CENPW: variants seen among roughly 807,000 people sequenced by gnomAD.
The protein encoded by CENPW is centromere protein W, also known as cancer-up-regulated gene 2 protein.
CENPW carries 3 observed loss-of-function variants against 11.1 expected under a neutral mutation model. The observed-to-expected ratio is 0.27, with a 90% CI of 0.12 to 0.70. The LOEUF (loss-of-function observed/expected upper bound fraction) is 0.70. CENPW is among the 30% of genes least tolerant of loss of function. The probability of loss-of-function intolerance (pLI) is 0.77; values close to 1 mark genes in which losing one functional copy is unlikely to be tolerated. For missense variants in CENPW, 100 were observed against 105.6 expected (o/e 0.95, Z 0.23); for synonymous variants, 38 against 42.0 (o/e 0.91, Z 0.37).
At chr6:126,468,466 A>G in the CENPW span, among the ~76,000 whole-genome samples, 1 of 150,806 alleles carries the variant, frequency 6.6e-6, no homozygotes, top group African/African-American at 2.4e-5. Flanking sequence ...TGTGGCAACT[A>G]AATATGCAGT....
chr6:126,415,765 A>G, the CENPW span, among the ~76,000 whole-genome samples: 1 of 152,176 alleles, frequency 6.6e-6, no homozygotes, highest in South Asian at 2.1e-4. Flanking sequence ...CATGTGAGAC[A>G]TGCCTTTCAC....
At chr6:126,375,427 TAGAGGAGCA>T in the CENPW span, among the ~76,000 whole-genome samples, 1 of 152,152 alleles carries the variant, frequency 6.6e-6, no homozygotes, top group Admixed American at 6.6e-5. Flanking sequence ...GAAAAAACTA[TAGAGGAGCA>T]GGGGTCAGAA....
At chr6:126,403,425 A>G in the CENPW span, among the ~76,000 whole-genome samples, 22 of 152,234 alleles carry the variant, frequency 1.4e-4, no homozygotes, top group African/African-American at 4.3e-4. Flanking sequence ...TAAAAAGTGC[A>G]AGGAAGCAAA....
chr6:126,446,950 C>T, the CENPW span, among the ~76,000 whole-genome samples: 2 of 151,026 alleles, frequency 1.3e-5, no homozygotes, highest in Non-Finnish European at 3.0e-5. Context: ...ATCAGAATAT[C>T]CAAGTTTGAT....
the CENPW span, among the ~76,000 whole-genome samples, chr6:126,357,781 G>A: frequency 3.5e-4 from 53 of 152,056 alleles, 1 homozygote; most frequent in African/African-American, 1.1e-3. Flanking sequence ...GCTGATTTTA[G>A]TATTTTTAGT....
the CENPW span, among the ~76,000 whole-genome samples, chr6:126,457,371 C>G: frequency 6.6e-6 from 1 of 151,518 alleles, no homozygotes; most frequent in African/African-American, 2.4e-5. Flanking sequence ...CCATAGAATA[C>G]TATGCAGCCT....
the CENPW span, among the ~76,000 whole-genome samples, chr6:126,428,120 A>G: frequency 6.6e-6 from 1 of 152,258 alleles, no homozygotes; most frequent in East Asian, 1.9e-4. Context: ...CAAAACTATT[A>G]TTTGTATATC....
At chr6:126,427,281 G>T in the CENPW span, among the ~76,000 whole-genome samples, 1 of 152,140 alleles carries the variant, frequency 6.6e-6, no homozygotes. Flanking sequence ...GTATAGGTAA[G>T]TAAAAATAGG....
At chr6:126,444,302 G>C in the CENPW span, among the ~76,000 whole-genome samples, 13 of 150,246 alleles carry the variant, frequency 8.7e-5, no homozygotes, top group African/African-American at 3.2e-4. Context: ...TGTCTTCTTT[G>C]GAGACTTCTA....
downstream of CENPW, among the ~76,000 whole-genome samples, chr6:126,349,396 CA>C: frequency 6.6e-6 from 1 of 151,970 alleles, no homozygotes; most frequent in East Asian, 1.9e-4. Flanking sequence ...GTTTCATTAC[CA>C]AAAAAGTCTC....
the CENPW span, among the ~76,000 whole-genome samples, chr6:126,450,554 C>T: frequency 1.3e-5 from 2 of 150,832 alleles, no homozygotes; most frequent in Admixed American, 6.6e-5. Flanking sequence ...CAGAAAAAAG[C>T]TTTTTGACTT....
At chr6:126,418,564 T>C in the CENPW span, among the ~76,000 whole-genome samples, 1 of 152,154 alleles carries the variant, frequency 6.6e-6, no homozygotes, top group African/African-American at 2.4e-5. Context: ...TTATGGTGGA[T>C]ACATGTCATT....
At chr6:126,412,707 GTCCCACACATT>G in the CENPW span, among the ~76,000 whole-genome samples, 1 of 152,178 alleles carries the variant, frequency 6.6e-6, no homozygotes, top group South Asian at 2.1e-4. Flanking sequence ...CCTACATTAT[GTCCCACACATT>G]TCCCACACAT....
chr6:126,388,097 A>G, the CENPW span, among the ~76,000 whole-genome samples: 1 of 152,024 alleles, frequency 6.6e-6, no homozygotes, highest in Non-Finnish European at 1.5e-5. Flanking sequence ...AGTGTAATTC[A>G]CCAAGGAAAG....
chr6:126,437,025 T>C, the CENPW span, among the ~76,000 whole-genome samples: 1 of 151,832 alleles, frequency 6.6e-6, no homozygotes, highest in African/African-American at 2.4e-5. Context: ...AAGCTTTTTT[T>C]TTTTCATTCA....
chr6:126,414,669 A>C, the CENPW span, among the ~76,000 whole-genome samples: 1 of 152,056 alleles, frequency 6.6e-6, no homozygotes, highest in Admixed American at 6.5e-5. Flanking sequence ...CCTACACCAA[A>C]AAAGTAAAAA....
the CENPW span, among the ~76,000 whole-genome samples, chr6:126,422,237 A>G: frequency 7.2e-3 from 1,095 of 152,240 alleles, 13 homozygotes; most frequent in African/African-American, 0.025. Flanking sequence ...TAATTTTTCT[A>G]TGTTAACTCC....
chr6:126,464,181 T>C, the CENPW span, among the ~76,000 whole-genome samples: 1 of 152,078 alleles, frequency 6.6e-6, no homozygotes, highest in East Asian at 1.9e-4. Flanking sequence ...AAACAATCAG[T>C]ACAACTCTCC....
chr6:126,445,579 C>A, the CENPW span, among the ~76,000 whole-genome samples: 1 of 150,952 alleles, frequency 6.6e-6, no homozygotes, highest in Admixed American at 6.6e-5. Flanking sequence ...ATTGTTATAT[C>A]CTACCATACA....
Sources: allele counts gnomAD v4.1 joint callset (sites outside exome capture counted in the v4.1 genomes callset), GRCh38; gene constraint gnomAD v4.1.1; transcripts MANE v1.5; gene names NCBI Gene and HGNC (gene_info 2026-07-23, HGNC 2026-07-21).